The following ALCAM variants were observed in gnomAD, a reference collection of about 807,000 sequenced individuals.
The protein encoded by ALCAM is CD166 antigen.
In ALCAM, 30 loss-of-function variants were observed where a neutral mutation model predicts 70.9. The observed-to-expected ratio is 0.42, with a 90% CI of 0.32 to 0.57. The LOEUF (loss-of-function observed/expected upper bound fraction) is 0.57. Among genes scored for constraint, ALCAM ranks in the 20% least tolerant of loss-of-function variants. The pLI, the probability that ALCAM is intolerant of heterozygous loss-of-function variation, is 0.11. For missense variants in ALCAM, 591 were observed against 695.1 expected, an observed-to-expected ratio of 0.85 and a Z score of 1.68; for synonymous variants, 249 against 242.5, an observed-to-expected ratio of 1.03 and a Z score of -0.25.
At chr3:105,458,627 A>T (rs1391646525) in intron 1 of ALCAM, among the ~76,000 whole-genome samples, 1 of 152,218 alleles carries the variant, frequency 6.6e-6, no homozygotes, top group Non-Finnish European at 1.5e-5. Flanking sequence ...TTTTAAAATT[A>T]TCTAAGTAAA....
chr3:105,526,862 T>A (rs1939717478), intron 3 of ALCAM, among the ~76,000 whole-genome samples: 1 of 152,196 alleles, frequency 6.6e-6, no homozygotes, highest in African/African-American at 2.4e-5. Context: ...TGTTTCCCTC[T>A]GTTGAATCAC....
At chr3:105,476,922 G>A (rs1464020211) in intron 1 of ALCAM, among the ~76,000 whole-genome samples, 2 of 152,076 alleles carry the variant, frequency 1.3e-5, no homozygotes, top group African/African-American at 4.8e-5. Flanking sequence ...AATCATGGGG[G>A]CTAGTCTTTA....
chr3:105,471,613 ATAT>A (rs1559802877), intron 1 of ALCAM, among the ~76,000 whole-genome samples: 4 of 151,040 alleles, frequency 2.6e-5, no homozygotes, highest in African/African-American at 9.7e-5. Context: ...TTTTTTAATG[ATAT>A]TATTGGATTA....
chr3:105,367,541 C>A, intron 1 of ALCAM, 60 bp downstream of exon 1: 2 of 1,592,688 alleles, frequency 1.3e-6, no homozygotes, highest in Non-Finnish European at 8.6e-7. Flanking sequence ...TTTCCTAGGT[C>A]CCCGTCCCAG....
chr3:105,433,286 C>G (rs895258530), intron 1 of ALCAM, among the ~76,000 whole-genome samples: 5 of 152,122 alleles, frequency 3.3e-5, no homozygotes, highest in African/African-American at 1.2e-4. Flanking sequence ...GTTTTCCAGT[C>G]AGAACTTGCC....
intron 1 of ALCAM, among the ~76,000 whole-genome samples, chr3:105,376,201 G>T (rs1034827078): frequency 6.6e-6 from 1 of 152,096 alleles, no homozygotes; most frequent in African/African-American, 2.4e-5. Context: ...TAAAAGAAGG[G>T]TTGTTGGAAA....
intron 1 of ALCAM, among the ~76,000 whole-genome samples, chr3:105,460,482 A>G (rs1234436620): frequency 6.6e-6 from 1 of 151,950 alleles, no homozygotes; most frequent in African/African-American, 2.4e-5. Flanking sequence ...GTGAATTTAC[A>G]CTCTAAAACA....
chr3:105,425,935 T>C (rs1936779856), intron 1 of ALCAM, among the ~76,000 whole-genome samples: 1 of 151,822 alleles, frequency 6.6e-6, no homozygotes, highest in South Asian at 2.1e-4. Context: ...CTCTTTCAAA[T>C]GGAGATGCTT....
chr3:105,545,016 C>T, intron 8 of ALCAM: 1 of 484,192 alleles, frequency 2.1e-6, no homozygotes, highest in African/African-American at 2.0e-5. Flanking sequence ...TTAGATTGAC[C>T]ACTCTCTTGT....
intron 1 of ALCAM, among the ~76,000 whole-genome samples, chr3:105,470,350 C>T (rs1008002893): frequency 7.0e-5 from 10 of 143,280 alleles, no homozygotes; most frequent in Non-Finnish European, 1.4e-4. Flanking sequence ...TACTTGATAA[C>T]TCAAAAAAAA....
intron 1 of ALCAM, among the ~76,000 whole-genome samples, chr3:105,396,765 C>G (rs1188457023): frequency 6.6e-6 from 1 of 151,896 alleles, no homozygotes; most frequent in Admixed American, 6.6e-5. Context: ...AAGTGATTGC[C>G]CTCTTAAAGG....
intron 4 of ALCAM, among the ~76,000 whole-genome samples, chr3:105,532,746 A>G (rs1428327679): frequency 1.3e-5 from 2 of 152,194 alleles, no homozygotes; most frequent in African/African-American, 4.8e-5. Context: ...TTTGGCATTG[A>G]TGAAACTGGG....
chr3:105,536,205 T>C (rs1939965244), intron 6 of ALCAM, among the ~76,000 whole-genome samples: 1 of 151,906 alleles, frequency 6.6e-6, no homozygotes, highest in Non-Finnish European at 1.5e-5. Flanking sequence ...GTGCTTCTCC[T>C]GCCTCAGCCT....
intron 14 of ALCAM, among the ~76,000 whole-genome samples, chr3:105,566,316 A>C (rs897384391): frequency 2.6e-5 from 4 of 152,224 alleles, no homozygotes; most frequent in African/African-American, 9.6e-5. Flanking sequence ...ATCATTCAAT[A>C]AAGATTGTAC....
At chr3:105,478,489 G>T (rs1938182583) in intron 1 of ALCAM, among the ~76,000 whole-genome samples, 1 of 152,106 alleles carries the variant, frequency 6.6e-6, no homozygotes, top group South Asian at 2.1e-4. Flanking sequence ...AGTGATTTTA[G>T]TTATCTCCAT....
chr3:105,479,635 G>A (rs1050448159), intron 1 of ALCAM, among the ~76,000 whole-genome samples: 2 of 152,176 alleles, frequency 1.3e-5, no homozygotes, highest in Non-Finnish European at 2.9e-5. Flanking sequence ...CATTGCATAT[G>A]AAGTCTGCTT....
intron 1 of ALCAM, among the ~76,000 whole-genome samples, chr3:105,475,480 T>C: frequency 6.6e-6 from 1 of 152,002 alleles, no homozygotes; most frequent in East Asian, 1.9e-4. Flanking sequence ...GCTGGCTATG[T>C]TATCACTTCC....
intron 1 of ALCAM, among the ~76,000 whole-genome samples, chr3:105,369,175 GTAA>G (rs1350356444): frequency 6.6e-6 from 1 of 152,220 alleles, no homozygotes; most frequent in Non-Finnish European, 1.5e-5. Context: ...CTTGGAGAAT[GTAA>G]TCTCACCCTC....
chr3:105,400,748 A>G (rs912952290), intron 1 of ALCAM, among the ~76,000 whole-genome samples: 15 of 152,138 alleles, frequency 9.9e-5, no homozygotes, highest in Admixed American at 7.9e-4. Context: ...TGGTTGAGGG[A>G]AGAGAAGAGA....
Sources: gnomAD v4.1 joint callset for allele counts (sites outside exome capture counted in the v4.1 genomes callset) on GRCh38, gnomAD v4.1.1 for gene constraint, MANE v1.5 for transcripts, NCBI Gene and HGNC (gene_info 2026-07-23, HGNC 2026-07-21) for gene names.